SLC8B1: variants seen among roughly 807,000 people sequenced by gnomAD.
SLC8B1 encodes mitochondrial sodium/calcium exchanger protein.
SLC8B1 carries 52 observed loss-of-function variants against 63.4 expected under a neutral mutation model. That is an observed-to-expected ratio of 0.82 (90% confidence interval 0.66 to 1.03). SLC8B1 has a LOEUF of 1.03. Ranked by LOEUF, SLC8B1 falls within the 50% of genes least tolerant of loss-of-function variation. The pLI is 0.00. For missense variants in SLC8B1, 657 were observed against 741.7 expected (o/e 0.89, Z 1.33); for synonymous variants, 336 against 323.9 (o/e 1.04, Z -0.40).
Position 113,299,350 on chromosome 12 carries a change from C to T in SLC8B1, c.*427G>A, listed in dbSNP as rs1331610511. ...ATTCTCTGAGTCAGGGTTGGGCAGC[C>T]ACTTGTGTCCTGAGAAGGTGCCAGA... is the stretch of plus-strand genomic sequence containing the variant. On this transcript the variant is annotated 3_prime_UTR_variant, in exon 16 of 16. Coordinates refer to ENST00000680972, the MANE Select transcript of SLC8B1 (RefSeq NM_001358345.2). 8 of 202,844 alleles carry T rather than the reference C, an allele frequency of 3.9e-5. No homozygotes were observed. Among genetic ancestry groups the T allele is most frequent in the Non-Finnish European group, 7.2e-5 (7 of 97,130 alleles). 12.6% of individuals were successfully genotyped at this position (202,844 alleles called of 1,614,324 possible).
At chr12:113,332,648 T>C in intron 2 of SLC8B1, 75 bp downstream of exon 2, 1 of 1,504,872 alleles carries the variant, frequency 6.6e-7, no homozygotes, top group African/African-American at 1.4e-5. Context: ...TGGCACATAG[T>C]AGATGCTCAA....
At chr12:113,314,350 GC>G (rs1411803536) in intron 11 of SLC8B1, among the ~76,000 whole-genome samples, 1 of 152,256 alleles carries the variant, frequency 6.6e-6, no homozygotes, top group Non-Finnish European at 1.5e-5. Flanking sequence ...ACCATGCCCA[GC>G]CATGCATCTG....
At position 113,320,663 on chromosome 12, in the gene SLC8B1, C is replaced by T. The variant is rs758873071; in HGVS notation, c.444G>A (p.Gly148=). 2.5e-6 allele frequency: 4 copies of T among 1,613,876 alleles called. No individual in the cohort carries two copies. In the Admixed American group the frequency reaches 5.0e-5, roughly 20 times the overall value. ...NVAGVTFLAF[G]NGAPDIFSAL... Reference sequence around the variant, plus strand: ...CACTGAAGATGTCAGGTGCACCATTCCCAAATGCCAGGAAGGTGACGCCAT... The same window carrying T: ...CACTGAAGATGTCAGGTGCACCATTTCCAAATGCCAGGAAGGTGACGCCAT... The change falls in exon 6 of 16, where the codon GGG becomes GGA. Residue 148 remains glycine (G), a synonymous_variant. Transcript: ENST00000680972. The surrounding 1 kb of genome is among the most constrained non-coding windows in gnomAD (Gnocchi z 5.3).
chr12:113,311,278 C>T (rs1407243804), intron 11 of SLC8B1, among the ~76,000 whole-genome samples: 2 of 152,150 alleles, frequency 1.3e-5, no homozygotes, highest in African/African-American at 2.4e-5. Flanking sequence ...GGCGAAACCC[C>T]GTCTCTACTA....
intron 8 of SLC8B1, among the ~76,000 whole-genome samples, chr12:113,318,607 T>C (rs150083675): frequency 8.8e-4 from 134 of 152,342 alleles, no homozygotes; most frequent in African/African-American, 3.0e-3. Context: ...TTGAATATTA[T>C]TGATTTCTTT....
intron 12 of SLC8B1, among the ~76,000 whole-genome samples, chr12:113,309,875 TG>T (rs1163323317): frequency 6.6e-6 from 1 of 151,246 alleles, no homozygotes; most frequent in Non-Finnish European, 1.5e-5. Flanking sequence ...GGTGGGGAAA[TG>T]GGGAGTGACT....
At position 113,317,241 on chromosome 12, in the gene SLC8B1, G is replaced by A. The variant is rs555536306; in HGVS notation, c.803-240C>T. On this transcript the variant is annotated intron_variant, in intron 8 of 15. Coordinates refer to ENST00000680972, the MANE Select transcript of SLC8B1 (RefSeq NM_001358345.2). ...CAACCTCCCTCCCTCCCGAGTAGCT[G>A]AGACTATGCCCAGCTAATTTTTAAA... Among the ~76,000 whole-genome samples, 12 of 152,212 alleles carry A rather than the reference G, an allele frequency of 7.9e-5. No individual in the cohort carries two copies. In the South Asian group the frequency reaches 1.5e-3, roughly 18 times the overall value.
chr12:113,320,342 G>A lies in SLC8B1; in HGVS notation c.683C>T (p.Ala228Val), dbSNP rs756760550. Residue 228 changes from alanine (A) to valine (V), a missense_variant, in exon 7 of 16, where the codon GCA (alanine) becomes GTA (valine). Physicochemically the swap from Ala to Val is moderately conservative, Grantham distance 64 (BLOSUM62 0). Transcript: ENST00000680972. The surrounding 1 kb of genome is among the most constrained non-coding windows in gnomAD (Gnocchi z 5.3). ...CCAGAGCTGCTCACCCAGAGCCCATGCCAGGGTGACCCTGCCACGGAAGAG... is the reference window on the plus strand; with the variant it reads ...CCAGAGCTGCTCACCCAGAGCCCATACCAGGGTGACCCTGCCACGGAAGAG... ...LMLFRGRVTL[A>V]WALGYLGLYV... 4 of 1,614,054 alleles carry A rather than the reference G, an allele frequency of 2.5e-6. No homozygotes were observed. The highest frequency in any genetic ancestry group is 2.5e-6 in the Non-Finnish European group (3 of 1,179,982).
At chr12:113,318,226 G>A (rs563119780) in intron 8 of SLC8B1, among the ~76,000 whole-genome samples, 1 of 151,376 alleles carries the variant, frequency 6.6e-6, no homozygotes, top group Non-Finnish European at 1.5e-5. Context: ...TGTGTTGTAT[G>A]TACACATTTG....
intron 2 of SLC8B1, 57 bp from the exon 3 acceptor site, chr12:113,321,405 T>C: frequency 6.2e-7 from 1 of 1,610,196 alleles, no homozygotes; most frequent in East Asian, 2.2e-5. Flanking sequence ...AGAACTAGAC[T>C]AGGCCCATCT....
intron 2 of SLC8B1, among the ~76,000 whole-genome samples, chr12:113,326,011 C>T (rs969293050): frequency 1.3e-5 from 2 of 152,202 alleles, no homozygotes; most frequent in African/African-American, 4.8e-5. Flanking sequence ...AATGATTCCC[C>T]TTTAACATAT....
At chr12:113,315,590 G>A in intron 10 of SLC8B1, 114 bp from the exon 11 acceptor site, 2 of 1,295,116 alleles carry the variant, frequency 1.5e-6, no homozygotes, top group Non-Finnish European at 2.1e-6. Flanking sequence ...AGCACTGACT[G>A]TGTGCGGGTT....
At chr12:113,313,805 G>A (rs890175528) in intron 11 of SLC8B1, among the ~76,000 whole-genome samples, 4 of 151,886 alleles carry the variant, frequency 2.6e-5, no homozygotes, top group Non-Finnish European at 5.9e-5. Flanking sequence ...AAGATGGTCT[G>A]TGAATGACTG....
intron 12 of SLC8B1, chr12:113,308,199 T>G: frequency 4.7e-6 from 1 of 211,616 alleles, no homozygotes; most frequent in Non-Finnish European, 9.6e-6. Context: ...ATACAAAAAT[T>G]AGTCAGGCTG....
Position 113,306,066 on chromosome 12 carries a change from C to CAAAAAAAAAAAAAAAAA in SLC8B1, c.1492+412_1492+428dup, listed in dbSNP as rs60824560. Among the ~76,000 whole-genome samples, 43 of 18,100 alleles carry CAAAAAAAAAAAAAAAAA rather than the reference C, an allele frequency of 2.4e-3. 3 individuals carry two copies. Among genetic ancestry groups the CAAAAAAAAAAAAAAAAA allele is most frequent in the Admixed American group, 5.4e-3 (6 of 1,118 alleles). The allele number at this position is 18,100 out of a possible 152,430, so 11.9% of individuals were successfully genotyped here. A position where few individuals can be genotyped will look rare whatever the true frequency, so the allele number is the denominator to read the frequency against. The stretch of plus-strand genomic sequence containing the variant: ...CGAGCCAGACTCCGTCCCCACCCTG[C>CAAAAAAAAAAAAAAAAA]AAAAAAAAAAAAAAAAAAAAAAAAA... On this transcript the variant is annotated intron_variant, in intron 14 of 15. Transcript: ENST00000680972.
chr12:113,322,823 G>A (rs944961319), intron 2 of SLC8B1, among the ~76,000 whole-genome samples: 8 of 152,036 alleles, frequency 5.3e-5, no homozygotes, highest in South Asian at 2.1e-4. Flanking sequence ...GGTGGCATAC[G>A]CCTGTAGTCC....
At position 113,316,947 on chromosome 12, in the gene SLC8B1, T is replaced by A. The variant is rs766519642; in HGVS notation, c.857A>T (p.Asp286Val). 103 of 1,613,380 alleles carry A rather than the reference T, an allele frequency of 6.4e-5. No homozygotes were observed. The highest frequency in any genetic ancestry group is 8.6e-5 in the Non-Finnish European group (102 of 1,179,804). Reference sequence around the variant, plus strand: ...GGCACAGGGCACGGACTCACCGTAGTCATAGCTGTTGGTATTAGAAGATAC... The same window carrying A: ...GGCACAGGGCACGGACTCACCGTAGACATAGCTGTTGGTATTAGAAGATAC... ...DRVSSNTNSY[D>V]YGDEYRPLFF... The change falls in exon 9 of 16, where the codon GAC becomes GTC. Residue 286 changes from aspartate (D) to valine (V), a missense_variant. Transcript: ENST00000680972.
intron 2 of SLC8B1, among the ~76,000 whole-genome samples, chr12:113,326,538 T>G (rs2136864037): frequency 6.6e-6 from 1 of 152,212 alleles, no homozygotes; most frequent in East Asian, 1.9e-4. Context: ...TGGCTGATTT[T>G]TTTATTTTTA....
In SLC8B1 at chr12:113,332,736, G is replaced by A; in HGVS notation, c.143C>T (p.Thr48Ile). The A allele has an allele frequency of 6.2e-7, 1 of 1,613,946 alleles. No individual in the cohort carries two copies. Among genetic ancestry groups the A allele is most frequent in the Non-Finnish European group, 8.5e-7 (1 of 1,179,924 alleles). Reference sequence around the variant, plus strand: ...CGGGATACTCACGTCTACCACGGGGGTCTGGTTCACACCTGAAGCTGGAAA... The same window carrying A: ...CGGGATACTCACGTCTACCACGGGGATCTGGTTCACACCTGAAGCTGGAAA... ...PQFPASGVNQ[T>I]PVVDCRKVCG... The change falls in exon 2 of 16, where the codon ACC becomes ATC. Residue 48 changes from threonine (T) to isoleucine (I), a missense_variant. Coordinates refer to ENST00000680972, the MANE Select transcript of SLC8B1 (RefSeq NM_001358345.2).
Sources: allele counts gnomAD v4.1 joint callset (sites outside exome capture counted in the v4.1 genomes callset), GRCh38; gene constraint gnomAD v4.1.1; non-coding constraint Gnocchi (gnomAD v3.1); transcripts MANE v1.5; gene names NCBI Gene and HGNC (gene_info 2026-07-23, HGNC 2026-07-21).